NFIA: variants seen among roughly 807,000 people sequenced by gnomAD.
NFIA encodes the protein nuclear factor I A.
NFIA carries 8 observed loss-of-function variants against 62.8 expected under a neutral mutation model. The observed-to-expected ratio is 0.13, with a 90% CI of 0.07 to 0.23. The LOEUF is 0.23. Ranked by LOEUF, NFIA falls within the 10% of genes least tolerant of loss-of-function variation. The pLI, the probability that NFIA is intolerant of heterozygous loss-of-function variation, is 1.00. For synonymous variants in NFIA, 235 were observed against 238.1 expected (o/e 0.99, Z 0.12); for missense variants, 410 against 642.1 (o/e 0.64, Z 3.91).
At chr1:61,299,514 T>C (rs1659381801) in intron 3 of NFIA, among the ~76,000 whole-genome samples, 2 of 152,184 alleles carry the variant, frequency 1.3e-5, no homozygotes, top group Admixed American at 1.3e-4. Flanking sequence ...AGGGAAATCT[T>C]AATGGGAAGA....
At chr1:61,369,828 T>TA in intron 6 of NFIA, among the ~76,000 whole-genome samples, 1 of 152,228 alleles carries the variant, frequency 6.6e-6, no homozygotes, top group South Asian at 2.1e-4. Context: ...ATTTAATTTG[T>TA]AAAAAAGTGA....
intron 2 of NFIA, among the ~76,000 whole-genome samples, chr1:61,099,001 C>G (rs909200534): frequency 6.6e-6 from 1 of 152,108 alleles, no homozygotes; most frequent in Admixed American, 6.5e-5. Flanking sequence ...GGTTGAAGAA[C>G]TAATTGTTCT....
chr1:61,240,252 T>C (rs1415104365), intron 2 of NFIA, among the ~76,000 whole-genome samples: 1 of 152,156 alleles, frequency 6.6e-6, no homozygotes, highest in African/African-American at 2.4e-5. Context: ...TATTAATGGA[T>C]GGCTTTAGCC....
intron 2 of NFIA, among the ~76,000 whole-genome samples, chr1:61,155,517 C>CA (rs1343366432): frequency 2.7e-5 from 4 of 150,466 alleles, no homozygotes; most frequent in Non-Finnish European, 4.4e-5. Flanking sequence ...ACTAAAAATA[C>CA]AAAAAATTAG....
At chr1:61,450,013 TC>T (rs1316795428) in intron 10 of NFIA, among the ~76,000 whole-genome samples, 1 of 152,118 alleles carries the variant, frequency 6.6e-6, no homozygotes, top group Non-Finnish European at 1.5e-5. Flanking sequence ...CAATCCTGAG[TC>T]CTTTGGACAC....
chr1:61,238,419 A>G (rs1039588036), intron 2 of NFIA, among the ~76,000 whole-genome samples: 3 of 152,216 alleles, frequency 2.0e-5, no homozygotes, highest in African/African-American at 7.2e-5. Context: ...CGGTATCTTC[A>G]GACATCATCG....
chr1:61,106,751 A>G (rs1646607836), intron 2 of NFIA, among the ~76,000 whole-genome samples: 1 of 151,680 alleles, frequency 6.6e-6, no homozygotes, highest in Non-Finnish European at 1.5e-5. Context: ...GAAAGATAAC[A>G]ACCAATACCT....
Position 61,392,467 on chromosome 1 carries a change from C to A in NFIA, c.1075+9102C>A, listed in dbSNP as rs192253213. ...GAAGGCTGTTTAGCTAATTTGTCTG[C>A]AAGTGAACTGCCTAGTGGAACTATC... On this transcript the variant is annotated intron_variant, in intron 7 of 10. Transcript: ENST00000403491. Among the ~76,000 whole-genome samples the A allele has an allele frequency of 2.6e-3, 390 of 152,048 alleles. 2 individuals carry two copies. The highest frequency in any genetic ancestry group is 9.1e-3 in the African/African-American group (376 of 41,442).
intron 2 of NFIA, among the ~76,000 whole-genome samples, chr1:61,208,654 G>A (rs898508806): frequency 6.6e-6 from 1 of 152,128 alleles, no homozygotes; most frequent in Admixed American, 6.5e-5. Context: ...TCATAGGATT[G>A]TTATAAGGGT....
At chr1:61,383,448 TC>T in intron 7 of NFIA, 83 bp downstream of exon 7, 1 of 1,566,540 alleles carries the variant, frequency 6.4e-7, no homozygotes. Flanking sequence ...CAATGAGGAC[TC>T]CCCCTGAACA....
intron 2 of NFIA, among the ~76,000 whole-genome samples, chr1:61,193,473 TAAAGAGAGA>T (rs749281490): frequency 1.1e-4 from 16 of 152,206 alleles, no homozygotes; most frequent in Non-Finnish European, 2.1e-4. Context: ...CCTTCCTGTC[TAAAGAGAGA>T]GGGAATAGCT....
At chr1:61,339,105 A>G (rs1008586009) in intron 4 of NFIA, among the ~76,000 whole-genome samples, 4 of 152,220 alleles carry the variant, frequency 2.6e-5, no homozygotes, top group East Asian at 3.8e-4. Context: ...TGCTCGATCA[A>G]TATCCTATTA....
chr1:61,203,707 AC>A (rs1652692117), intron 2 of NFIA, among the ~76,000 whole-genome samples: 1 of 152,094 alleles, frequency 6.6e-6, no homozygotes, highest in South Asian at 2.1e-4. Context: ...GGTCTCCTAC[AC>A]CGGGCCATGT....
chr1:61,183,588 G>T (rs1404503689), intron 2 of NFIA, among the ~76,000 whole-genome samples: 1 of 152,212 alleles, frequency 6.6e-6, no homozygotes, highest in Non-Finnish European at 1.5e-5. Flanking sequence ...AATCAGATGT[G>T]ATCTTTTGCT....
intron 10 of NFIA, among the ~76,000 whole-genome samples, chr1:61,444,609 A>G (rs2100579421): frequency 6.6e-6 from 1 of 152,334 alleles, no homozygotes; most frequent in South Asian, 2.1e-4. Context: ...GTAGAACAGG[A>G]AGTCACATTT....
intron 7 of NFIA, among the ~76,000 whole-genome samples, chr1:61,383,677 TGA>T (rs920111863): frequency 6.6e-6 from 1 of 152,060 alleles, no homozygotes; most frequent in Non-Finnish European, 1.5e-5. Context: ...TGTGTGTGTG[TGA>T]GAGAGAGAGA....
intron 2 of NFIA, among the ~76,000 whole-genome samples, chr1:61,269,301 T>C (rs1048016087): frequency 6.6e-6 from 1 of 152,166 alleles, no homozygotes; most frequent in African/African-American, 2.4e-5. Flanking sequence ...AAGAATACTT[T>C]CTATTATGAT....
chr1:61,252,170 C>T (rs1371589494), intron 2 of NFIA, among the ~76,000 whole-genome samples: 1 of 152,194 alleles, frequency 6.6e-6, no homozygotes, highest in Non-Finnish European at 1.5e-5. Flanking sequence ...GATAGACCCT[C>T]ATAGTAGAAA....
intron 3 of NFIA, among the ~76,000 whole-genome samples, chr1:61,289,554 A>G (rs4294445): frequency 6.6e-6 from 1 of 152,202 alleles, no homozygotes; most frequent in South Asian, 2.1e-4. Context: ...AATGGAATTC[A>G]AACTCTGGTT....
Sources: gnomAD v4.1 joint callset for allele counts (sites outside exome capture counted in the v4.1 genomes callset) on GRCh38, gnomAD v4.1.1 for gene constraint, MANE v1.5 for transcripts, NCBI Gene and HGNC (gene_info 2026-07-23, HGNC 2026-07-21) for gene names.